Variants in CUL3 observed in about 807,000 individuals in gnomAD.
CUL3 encodes cullin 3, also known as cullin-3.
A neutral mutation model predicts 89.1 loss-of-function variants in CUL3; 19 were observed. The ratio of observed to expected loss-of-function variants is 0.21; its 90% confidence interval spans 0.15 to 0.31. The LOEUF (loss-of-function observed/expected upper bound fraction) is 0.31. CUL3 is among the 10% of genes least tolerant of loss of function. The pLI is 1.00. For synonymous variants in CUL3, 351 were observed against 308.4 expected, an observed-to-expected ratio of 1.14 and a Z score of -1.45; for missense variants, 469 against 942.3, an observed-to-expected ratio of 0.50 and a Z score of 6.58.
chr2:224,491,359 T>C (rs1352934974), intron 13 of CUL3, among the ~76,000 whole-genome samples: 1 of 152,204 alleles, frequency 6.6e-6, no homozygotes, highest in Non-Finnish European at 1.5e-5. Context: ...GGGAAGGCTA[T>C]GATTCTTAAT....
At chr2:224,545,068 A>C (rs1694246693) in intron 2 of CUL3, among the ~76,000 whole-genome samples, 1 of 152,148 alleles carries the variant, frequency 6.6e-6, no homozygotes, top group African/African-American at 2.4e-5. Context: ...AACTAATATA[A>C]ATTTGGTTAA....
At chr2:224,543,135 A>T (rs1694178051) in intron 2 of CUL3, among the ~76,000 whole-genome samples, 1 of 152,214 alleles carries the variant, frequency 6.6e-6, no homozygotes. Context: ...AGCTAAAACA[A>T]ATTAAAAACT....
chr2:224,535,431 A>T (rs989373813), intron 3 of CUL3, 97 bp downstream of exon 3: 1 of 757,600 alleles, frequency 1.3e-6, no homozygotes, highest in Non-Finnish European at 2.1e-6. Flanking sequence ...TGGCCTCCCA[A>T]AGTGCTGGGA....
intron 3 of CUL3, among the ~76,000 whole-genome samples, chr2:224,521,715 C>T (rs1693272560): frequency 6.6e-6 from 1 of 151,874 alleles, no homozygotes; most frequent in South Asian, 2.1e-4. Flanking sequence ...TCCTAATAGA[C>T]CAAGGATAGT....
chr2:224,502,545 G>A (rs1692431592), intron 10 of CUL3, among the ~76,000 whole-genome samples: 1 of 152,112 alleles, frequency 6.6e-6, no homozygotes. Flanking sequence ...ACTTACAGAG[G>A]AGAATAATAG....
chr2:224,525,545 G>A (rs1693441325), intron 3 of CUL3, among the ~76,000 whole-genome samples: 1 of 152,080 alleles, frequency 6.6e-6, no homozygotes, highest in Admixed American at 6.5e-5. Flanking sequence ...TACCTTCAAA[G>A]AAACACAATA....
chr2:224,530,837 G>A (rs112976400), intron 3 of CUL3, among the ~76,000 whole-genome samples: 34 of 152,226 alleles, frequency 2.2e-4, no homozygotes, highest in African/African-American at 7.9e-4. Flanking sequence ...AACCCAGGAG[G>A]CGGAGGCTGC....
chr2:224,540,994 C>T (rs555694635), intron 2 of CUL3, among the ~76,000 whole-genome samples: 1 of 151,984 alleles, frequency 6.6e-6, no homozygotes, highest in Non-Finnish European at 1.5e-5. Flanking sequence ...GTCCAATGCA[C>T]CATAGTAATC....
chr2:224,500,582 G>T, intron 10 of CUL3, 95 bp from the exon 11 acceptor site: 3 of 1,102,328 alleles, frequency 2.7e-6, no homozygotes, highest in South Asian at 1.9e-5. Flanking sequence ...AAAGCAGTTA[G>T]CTCCATGTCT....
At chr2:224,534,262 G>A (rs1693799748) in intron 3 of CUL3, among the ~76,000 whole-genome samples, 1 of 152,068 alleles carries the variant, frequency 6.6e-6, no homozygotes, top group Non-Finnish European at 1.5e-5. Flanking sequence ...TTTTCCAAAT[G>A]ATCTTGCTGA....
chr2:224,503,188 T>G, intron 9 of CUL3, 116 bp from the exon 10 acceptor site: 1 of 750,516 alleles, frequency 1.3e-6, no homozygotes, highest in Non-Finnish European at 2.3e-6. Flanking sequence ...TCCTGTAAAT[T>G]TTTCCAACAG....
chr2:224,484,103 C>T (rs62186973), intron 13 of CUL3, among the ~76,000 whole-genome samples: 3 of 151,654 alleles, frequency 2.0e-5, no homozygotes, highest in South Asian at 2.1e-4. Context: ...CCTGGGAGGT[C>T]GAGGTTATAG....
intron 1 of CUL3, among the ~76,000 whole-genome samples, chr2:224,574,279 C>G (rs946217894): frequency 3.4e-4 from 52 of 152,162 alleles, no homozygotes; most frequent in African/African-American, 1.2e-3. Flanking sequence ...AAATGGAGGT[C>G]AAATTAGGAA....
At chr2:224,574,414 G>A (rs1186518588) in intron 1 of CUL3, among the ~76,000 whole-genome samples, 9 of 152,142 alleles carry the variant, frequency 5.9e-5, no homozygotes, top group African/African-American at 1.2e-4. Flanking sequence ...CCTATTAACC[G>A]TTATCAAGTT....
chr2:224,557,883 C>CAATAAAA, intron 1 of CUL3, 27 bp from the exon 2 acceptor site: 1 of 110,388 alleles, frequency 9.1e-6, no homozygotes, highest in South Asian at 1.5e-4. Flanking sequence ...AGAGAAGAGA[C>CAATAAAA]AAAAAAAAAA....
chr2:224,530,005 A>G (rs1018205511), intron 3 of CUL3, among the ~76,000 whole-genome samples: 5 of 151,970 alleles, frequency 3.3e-5, no homozygotes, highest in Non-Finnish European at 7.4e-5. Flanking sequence ...TTGGGAGGCC[A>G]AGGCGGGCAG....
At position 224,478,274 on chromosome 2, in the gene CUL3, G is replaced by A. The variant is rs1379043610; in HGVS notation, c.2101C>T (p.His701Tyr). 1 of 1,613,666 alleles carries A rather than the reference G, an allele frequency of 6.2e-7. No individual in the cohort carries two copies. Among genetic ancestry groups the A allele is most frequent in the Non-Finnish European group, 8.5e-7 (1 of 1,179,768 alleles). Residue 701 changes from histidine to tyrosine, a missense_variant, in exon 15 of 16, where the codon CAT becomes TAT. Around this residue, in one of 4 missense-constraint regions of CUL3, gnomAD observed 65 missense variants for 147.8 expected, o/e 0.44. Transcript: ENST00000264414. ...CGCACTATAGCAGCTTCTATCTCAT[G>A]TTTTCTGTCGTCGTCTACTTTCTGC... Reference protein sequence around the residue: ...TRQKVDDDRKHEIEAAIVRIM... With the variant: ...TRQKVDDDRKYEIEAAIVRIM...
intron 3 of CUL3, among the ~76,000 whole-genome samples, chr2:224,523,032 AG>A (rs913721727): frequency 6.6e-6 from 1 of 152,194 alleles, no homozygotes; most frequent in Non-Finnish European, 1.5e-5. Flanking sequence ...AATAATCTAG[AG>A]GTCAGAGGGA....
chr2:224,577,569 CAA>C (rs34800843), intron 1 of CUL3, among the ~76,000 whole-genome samples: 7,930 of 133,254 alleles, frequency 0.06, 544 homozygotes, highest in East Asian at 0.2. Context: ...GACTCTGTCT[CAA>C]AAAAAAAAAA....
Sources: gnomAD v4.1 joint callset for allele counts (sites outside exome capture counted in the v4.1 genomes callset) on GRCh38, gnomAD v4.1.1 for gene constraint, gnomAD v4.1.1 regional missense constraint, MANE v1.5 for transcripts, NCBI Gene and HGNC (gene_info 2026-07-23, HGNC 2026-07-21) for gene names.